PRKCA: variants seen among roughly 807,000 people sequenced by gnomAD.
PRKCA encodes protein kinase C alpha type.
PRKCA carries 27 observed loss-of-function variants against 87.0 expected under a neutral mutation model. That is an observed-to-expected ratio of 0.31 (90% CI 0.23 to 0.43). The LOEUF (loss-of-function observed/expected upper bound fraction) is 0.43. Among genes scored for constraint, PRKCA ranks in the 20% least tolerant of loss-of-function variants. The probability of loss-of-function intolerance (pLI) is 1.00; values close to 1 mark genes in which losing one functional copy is unlikely to be tolerated. For missense variants in PRKCA, 518 were observed against 852.3 expected (o/e 0.61, Z 4.88); for synonymous variants, 329 against 311.1 (o/e 1.06, Z -0.61).
chr17:66,506,780 A>G (rs767394159), intron 3 of PRKCA, among the ~76,000 whole-genome samples: 1 of 152,212 alleles, frequency 6.6e-6, no homozygotes, highest in South Asian at 2.1e-4. Flanking sequence ...GGGTGAGGCA[A>G]TAGCTTTTGA....
At chr17:66,637,633 T>G (rs1164458534) in intron 3 of PRKCA, among the ~76,000 whole-genome samples, 1 of 151,886 alleles carries the variant, frequency 6.6e-6, no homozygotes, top group African/African-American at 2.4e-5. Context: ...GCCTCGAGGA[T>G]ATCATTAATC....
intron 2 of PRKCA, among the ~76,000 whole-genome samples, chr17:66,470,601 C>G (rs979198416): frequency 1.3e-5 from 2 of 152,056 alleles, no homozygotes; most frequent in African/African-American, 4.8e-5. Flanking sequence ...CTTTAGGGAC[C>G]TGATCTGTGC....
intron 2 of PRKCA, among the ~76,000 whole-genome samples, chr17:66,486,485 T>C (rs904952622): frequency 1.3e-5 from 2 of 152,130 alleles, no homozygotes; most frequent in Non-Finnish European, 2.9e-5. Flanking sequence ...GGAAGGAGTC[T>C]TTTATACTGG....
At chr17:66,399,732 T>C (rs1910906820) in intron 2 of PRKCA, among the ~76,000 whole-genome samples, 1 of 152,206 alleles carries the variant, frequency 6.6e-6, no homozygotes, top group South Asian at 2.1e-4. Flanking sequence ...ATTCGCTTGT[T>C]TCACTTAGCG....
chr17:66,768,261 TG>T (rs373314062), intron 13 of PRKCA, among the ~76,000 whole-genome samples: 8 of 128,102 alleles, frequency 6.2e-5, no homozygotes, highest in African/African-American at 6.2e-5. Flanking sequence ...TTTTTTTTTT[TG>T]GGGGGGAGAG....
chr17:66,711,735 T>TC (rs1400888755), intron 8 of PRKCA, among the ~76,000 whole-genome samples: 5 of 152,134 alleles, frequency 3.3e-5, no homozygotes, highest in African/African-American at 1.2e-4. Context: ...GAAACCCTAC[T>TC]CCCCGACCCC....
chr17:66,649,661 A>G (rs1186653683), intron 5 of PRKCA, among the ~76,000 whole-genome samples: 1 of 152,234 alleles, frequency 6.6e-6, no homozygotes, highest in African/African-American at 2.4e-5. Flanking sequence ...TTTGGAACAA[A>G]CAATTAACCC....
chr17:66,744,572 C>T (rs574314179), intron 13 of PRKCA, among the ~76,000 whole-genome samples: 14 of 152,310 alleles, frequency 9.2e-5, no homozygotes, highest in African/African-American at 3.4e-4. Flanking sequence ...CCAGGAACAA[C>T]AGTGTCCAGT....
intron 2 of PRKCA, among the ~76,000 whole-genome samples, chr17:66,307,461 T>C (rs1303587815): frequency 6.6e-6 from 1 of 152,180 alleles, no homozygotes; most frequent in African/African-American, 2.4e-5. Context: ...TCTGTTATTT[T>C]TGGTGATATT....
intron 2 of PRKCA, among the ~76,000 whole-genome samples, chr17:66,394,558 CTGT>C (rs2143652731): frequency 6.6e-6 from 1 of 152,286 alleles, no homozygotes; most frequent in South Asian, 2.1e-4. Context: ...CAGTGAAATC[CTGT>C]TGTAAAGGGG....
chr17:66,554,628 G>A, intron 3 of PRKCA: 1 of 755,234 alleles, frequency 1.3e-6, no homozygotes, highest in South Asian at 6.1e-5. Context: ...TTGGTGGGGG[G>A]CACTAGCAAA....
intron 6 of PRKCA, 26 bp from the exon 7 acceptor site, chr17:66,688,276 T>G: frequency 6.2e-7 from 1 of 1,612,548 alleles, no homozygotes; most frequent in Non-Finnish European, 8.5e-7. Flanking sequence ...GATAACCTAG[T>G]GTTTGCATGT....
chr17:66,616,839 A>AG (rs1429257104), intron 3 of PRKCA, among the ~76,000 whole-genome samples: 2 of 151,108 alleles, frequency 1.3e-5, no homozygotes, highest in Non-Finnish European at 2.9e-5. Context: ...GAGGAGGGAG[A>AG]GGGGGCTGGG....
chr17:66,535,081 ACT>A (rs1312500253), intron 3 of PRKCA, among the ~76,000 whole-genome samples: 1 of 152,108 alleles, frequency 6.6e-6, no homozygotes, highest in Non-Finnish European at 1.5e-5. Context: ...TTATCCCCAA[ACT>A]CTCTGAGACT....
intron 2 of PRKCA, among the ~76,000 whole-genome samples, chr17:66,449,833 G>A (rs1040246063): frequency 3.3e-5 from 5 of 152,112 alleles, no homozygotes; most frequent in Admixed American, 2.6e-4. Flanking sequence ...CTGGACGAAC[G>A]GCCTCAGGTG....
chr17:66,594,909 G>A lies in PRKCA; in HGVS notation c.289-46446G>A, dbSNP rs542760285. ...ATTAATGTCTGTGTTAGTTTCCTAG[G>A]GCTGCCATAACAAATTGCCACATTT... On this transcript the variant is annotated intron_variant, in intron 3 of 16. Transcript: ENST00000413366. 3.3e-5 allele frequency among the ~76,000 whole-genome samples: 5 copies of A among 152,206 alleles called. No individual in the cohort carries two copies. In the East Asian group the frequency reaches 7.7e-4, roughly 23 times the overall value.
At chr17:66,520,958 A>T (rs964538015) in intron 3 of PRKCA, among the ~76,000 whole-genome samples, 1 of 152,180 alleles carries the variant, frequency 6.6e-6, no homozygotes, top group African/African-American at 2.4e-5. Context: ...ACAATGATTT[A>T]AAAGTCTCCA....
At chr17:66,502,858 A>G (rs1000484334) in intron 3 of PRKCA, among the ~76,000 whole-genome samples, 8 of 151,318 alleles carry the variant, frequency 5.3e-5, no homozygotes, top group Non-Finnish European at 1.0e-4. Context: ...ACAGGGTTTC[A>G]CCATGTTAGC....
At chr17:66,561,176 A>G (rs1968668330) in intron 3 of PRKCA, among the ~76,000 whole-genome samples, 1 of 152,254 alleles carries the variant, frequency 6.6e-6, no homozygotes, top group Admixed American at 6.5e-5. Context: ...AAGTGGTAAC[A>G]GGGTAGATGC....
Sources: allele counts gnomAD v4.1 joint callset (sites outside exome capture counted in the v4.1 genomes callset), GRCh38; gene constraint gnomAD v4.1.1; transcripts MANE v1.5; gene names NCBI Gene and HGNC (gene_info 2026-07-23, HGNC 2026-07-21).